CD38: variants seen among roughly 807,000 people sequenced by gnomAD.
The protein encoded by CD38 is ADP-ribosyl cyclase/cyclic ADP-ribose hydrolase 1.
Under a neutral mutation model 36.3 loss-of-function variants are expected in CD38, and 31 were observed. The observed-to-expected ratio is 0.85, with a 90% CI of 0.64 to 1.15. The LOEUF (loss-of-function observed/expected upper bound fraction) is 1.15, where lower values mean the gene tolerates loss of function less well. CD38 is among the 50% of genes most tolerant of loss of function. The pLI, the probability that CD38 is intolerant of heterozygous loss-of-function variation, is 0.00. For synonymous variants in CD38, 131 were observed against 135.2 expected, an observed-to-expected ratio of 0.97 and a Z score of 0.22; for missense variants, 380 against 371.9, an observed-to-expected ratio of 1.02 and a Z score of -0.18.
chr4:15,811,629 T>C (rs1313111814), intron 1 of CD38, among the ~76,000 whole-genome samples: 1 of 150,764 alleles, frequency 6.6e-6, no homozygotes, highest in Non-Finnish European at 1.5e-5. Context: ...TTGATCTATA[T>C]TTCTATCATT....
At chr4:15,842,377 C>A (rs1253474619) in intron 7 of CD38, among the ~76,000 whole-genome samples, 2 of 109,392 alleles carry the variant, frequency 1.8e-5, no homozygotes, top group Non-Finnish European at 3.7e-5. Context: ...AACTAACAAC[C>A]AGAAAGGACA....
At chr4:15,791,017 C>T (rs1416978992) in intron 1 of CD38, among the ~76,000 whole-genome samples, 2 of 144,272 alleles carry the variant, frequency 1.4e-5, no homozygotes, top group Non-Finnish European at 1.5e-5. Context: ...CGTCTCCGCC[C>T]GGCAGCCACC....
intron 7 of CD38, among the ~76,000 whole-genome samples, chr4:15,847,595 CAAAAAAAAAAAAAAAA>C (rs71179666): frequency 1.3e-4 from 5 of 38,146 alleles, no homozygotes; most frequent in East Asian, 2.0e-3. Flanking sequence ...CTCTCAGAAG[CAAAAAAAAAAAAAAAA>C]AAAAAAAAAA....
intron 7 of CD38, among the ~76,000 whole-genome samples, chr4:15,842,003 A>G (rs1212645751): frequency 5.6e-5 from 8 of 143,030 alleles, no homozygotes; most frequent in Non-Finnish European, 1.2e-4. Flanking sequence ...GCCATTGCCC[A>G]GGCTTGATTA....
chr4:15,809,687 G>C (rs932159648), intron 1 of CD38, among the ~76,000 whole-genome samples: 6 of 152,162 alleles, frequency 3.9e-5, no homozygotes, highest in African/African-American at 1.4e-4. Context: ...CGGCTGCTGA[G>C]CTAGTAATTG....
intron 1 of CD38, among the ~76,000 whole-genome samples, chr4:15,783,489 G>T (rs992948742): frequency 2.0e-5 from 3 of 152,186 alleles, no homozygotes; most frequent in African/African-American, 4.8e-5. Flanking sequence ...CCTTATCCCT[G>T]CCCCAAGACA....
At chr4:15,837,404 T>G (rs1420119468) in intron 4 of CD38, among the ~76,000 whole-genome samples, 1 of 152,046 alleles carries the variant, frequency 6.6e-6, no homozygotes, top group Non-Finnish European at 1.5e-5. Flanking sequence ...ACAATACAGT[T>G]GGATAATGTG....
Position 15,838,120 on chromosome 4 carries a change from A to G in CD38, c.614A>G (p.His205Arg), listed in dbSNP as rs1344138507. The G allele has an allele frequency of 6.2e-7, 1 of 1,613,912 alleles. No homozygotes were observed. ...RFAEAACDVV[H>R]VMLNGSRSKI... ...GCAGAAGCTGCCTGTGATGTGGTCC[A>G]TGTGATGCTCAATGGATCCCGCAGT... The change falls in exon 5 of 8, where the codon CAT becomes CGT. Residue 205 changes from histidine to arginine, a missense_variant. Transcript: ENST00000226279.
intron 7 of CD38, among the ~76,000 whole-genome samples, chr4:15,847,804 A>C (rs1423732336): frequency 2.0e-5 from 3 of 152,172 alleles, no homozygotes; most frequent in African/African-American, 7.2e-5. Flanking sequence ...GAAGACCTTT[A>C]TATTATAATT....
chr4:15,814,760 G>T (rs1291383452), intron 1 of CD38, among the ~76,000 whole-genome samples: 1 of 150,918 alleles, frequency 6.6e-6, no homozygotes, highest in Non-Finnish European at 1.5e-5. Flanking sequence ...TAGACATGTG[G>T]TATTATTTCT....
chr4:15,796,257 T>G (rs1255588393), intron 1 of CD38, among the ~76,000 whole-genome samples: 1 of 152,086 alleles, frequency 6.6e-6, no homozygotes, highest in African/African-American at 2.4e-5. Context: ...CAGATAAAAT[T>G]TTTTCAAAGG....
At chr4:15,786,752 C>T (rs567548200) in intron 1 of CD38, among the ~76,000 whole-genome samples, 9 of 152,368 alleles carry the variant, frequency 5.9e-5, no homozygotes, top group Middle Eastern at 3.4e-3. Flanking sequence ...AGCCCTTGGA[C>T]GGTGGATGGG....
intron 5 of CD38, among the ~76,000 whole-genome samples, chr4:15,838,711 G>C (rs1452479318): frequency 6.6e-6 from 1 of 152,212 alleles, no homozygotes; most frequent in Non-Finnish European, 1.5e-5. Flanking sequence ...TGTAGTGGTT[G>C]AAAGCAGGTA....
chr4:15,778,448 G>A lies in CD38; in HGVS notation c.34G>A (p.Asp12Asn), dbSNP rs781666306. 4.3e-6 allele frequency: 7 copies of A among 1,613,948 alleles called. No individual in the cohort carries two copies. The highest frequency in any genetic ancestry group is 5.1e-6 in the Non-Finnish European group (6 of 1,180,000). The change falls in exon 1 of 8, where the codon GAC becomes AAC. Residue 12 changes from aspartate (D) to asparagine (N), a missense_variant. Transcript: ENST00000226279. This position sits in a 1 kb window ranked among gnomAD's most constrained non-coding sequence, Gnocchi z 4.9. ...CTGCGAGTTCAGCCCGGTGTCCGGG[G>A]ACAAACCCTGCTGCCGGCTCTCTAG... is the stretch of plus-strand genomic sequence containing the variant. ...ANCEFSPVSG[D>N]KPCCRLSRRA...
intron 1 of CD38, among the ~76,000 whole-genome samples, chr4:15,791,046 G>GA (rs1224238880): frequency 7.6e-6 from 1 of 131,372 alleles, no homozygotes; most frequent in Non-Finnish European, 1.6e-5. Flanking sequence ...GAGGGAGGTG[G>GA]GGGGGGGTCA....
intron 1 of CD38, among the ~76,000 whole-genome samples, chr4:15,806,089 A>G (rs1259884865): frequency 6.6e-6 from 1 of 152,230 alleles, no homozygotes; most frequent in East Asian, 1.9e-4. Context: ...ATAGGTTTAG[A>G]GAGAGGTGCT....
In CD38 at chr4:15,816,639, A is replaced by G. The variant is rs1451538288; in HGVS notation, c.362A>G (p.Lys121Arg). The G allele has an allele frequency of 5.6e-6, 9 of 1,613,672 alleles. No individual in the cohort carries two copies. Among genetic ancestry groups the G allele is most frequent in the Non-Finnish European group, 6.8e-6 (8 of 1,179,796 alleles). ...GGAACTCAGACCGTACCTTGCAACAAGGTAATTGGGGGCATGCCATTGATT... is the reference window on the plus strand; with the variant it reads ...GGAACTCAGACCGTACCTTGCAACAGGGTAATTGGGGGCATGCCATTGATT... ...KLGTQTVPCN[K>R]ILLWSRIKDL... The change falls in exon 2 of 8, where the codon AAG (lysine) becomes AGG (arginine). Residue 121 changes from lysine to arginine, a missense_variant and splice_region_variant. Coordinates refer to ENST00000226279, the MANE Select transcript of CD38 (RefSeq NM_001775.4).
chr4:15,783,120 G>C (rs986485595), intron 1 of CD38, among the ~76,000 whole-genome samples: 3 of 152,086 alleles, frequency 2.0e-5, no homozygotes, highest in Admixed American at 6.5e-5. Flanking sequence ...GATGTCTCTG[G>C]GCACATGAGA....
chr4:15,788,139 A>G (rs896465839), intron 1 of CD38, among the ~76,000 whole-genome samples: 2 of 152,148 alleles, frequency 1.3e-5, no homozygotes, highest in Non-Finnish European at 2.9e-5. Flanking sequence ...TCTCACCTTA[A>G]CAATCACTTC....
Sources: allele counts gnomAD v4.1 joint callset (sites outside exome capture counted in the v4.1 genomes callset), GRCh38; gene constraint gnomAD v4.1.1; non-coding constraint Gnocchi (gnomAD v3.1); transcripts MANE v1.5; gene names NCBI Gene and HGNC (gene_info 2026-07-23, HGNC 2026-07-21).